Variants in YEATS2 observed in about 807,000 individuals in gnomAD.
YEATS2 encodes YEATS domain containing 2, also known as YEATS domain-containing protein 2.
YEATS2 carries 77 observed loss-of-function variants against 163.2 expected under a neutral mutation model. The ratio of observed to expected loss-of-function variants is 0.47; its 90% CI spans 0.39 to 0.57. YEATS2 has a LOEUF of 0.57. YEATS2 is among the 20% of genes least tolerant of loss of function. The pLI is 0.00. For synonymous variants in YEATS2, 631 were observed against 645.1 expected (o/e 0.98, Z 0.33); for missense variants, 1,549 against 1,729.8 (o/e 0.90, Z 1.85).
intron 8 of YEATS2, among the ~76,000 whole-genome samples, chr3:183,743,190 G>A (rs992196667): frequency 2.0e-5 from 3 of 152,084 alleles, no homozygotes; most frequent in African/African-American, 7.2e-5. Context: ...TGTACATGAA[G>A]TCAACCACGA....
At chr3:183,711,370 G>A (rs1250947275) in intron 1 of YEATS2, among the ~76,000 whole-genome samples, 1 of 151,710 alleles carries the variant, frequency 6.6e-6, no homozygotes, top group Non-Finnish European at 1.5e-5. Context: ...CTACTCGGGA[G>A]GCTGAGGCAG....
rs141935887 is a variant in YEATS2 at position 183,717,999 on chromosome 3, A to C, written c.198+251A>C. ...AAAGATAATCTTCTGATAGCACAGC[A>C]GGGTGACTACAGTCAACAATAATTT... is the stretch of plus-strand genomic sequence containing the variant. On this transcript the variant is annotated intron_variant, in intron 3 of 30. Transcript: ENST00000305135. Among the ~76,000 whole-genome samples the C allele has an allele frequency of 2.8e-3, 419 of 152,260 alleles. 1 individual carries two copies. Among genetic ancestry groups the C allele is most frequent in the African/African-American group, 9.3e-3 (386 of 41,556 alleles).
At position 183,772,369 on chromosome 3, in the gene YEATS2, G is replaced by C. The variant is rs768669392; in HGVS notation, c.2012G>C (p.Gly671Ala). ...STVKQAVAIS[G>A]GQILVAKASS... ...GTGAAGCAGGCTGTGGCGATCAGTG[G>C]TGGCCAGATCCTGGTAGCCAAGGCC... Residue 671 changes from glycine (G) to alanine (A), a missense_variant, in exon 16 of 31, where the codon GGT becomes GCT. Coordinates refer to ENST00000305135, the MANE Select transcript of YEATS2 (RefSeq NM_018023.5). 1 of 1,614,220 alleles carries C rather than the reference G, an allele frequency of 6.2e-7. No homozygotes were observed. The highest frequency in any genetic ancestry group is 8.5e-7 in the Non-Finnish European group (1 of 1,180,044).
chr3:183,749,714 G>C (rs1295230961), intron 9 of YEATS2, among the ~76,000 whole-genome samples: 2 of 152,134 alleles, frequency 1.3e-5, no homozygotes, highest in Non-Finnish European at 2.9e-5. Flanking sequence ...GCTCACTGCA[G>C]CTTTGACCTC....
rs1385166080 is a variant in YEATS2, at chr3:183,812,568, CATA to C, written c.*1988_*1990del. 6 of 152,610 alleles carry C rather than the reference CATA, an allele frequency of 3.9e-5. No individual in the cohort carries two copies. The highest frequency in any genetic ancestry group is 2.0e-4 in the Admixed American group (3 of 15,274). The allele number at this position is 152,610 out of a possible 1,614,324, so 9.5% of individuals were successfully genotyped here. ...GTGTGTTAATGTTTCAAACGTGTATCATAATGTGTATAATTGTGTAACAAAATT... is the reference window on the plus strand; with the variant it reads ...GTGTGTTAATGTTTCAAACGTGTATCATGTGTATAATTGTGTAACAAAATT... On this transcript the variant is annotated 3_prime_UTR_variant, in exon 31 of 31. Coordinates refer to ENST00000305135, the MANE Select transcript of YEATS2 (RefSeq NM_018023.5).
rs576050341 is a variant in YEATS2, at chr3:183,733,361, A to G, written c.813-3357A>G. 9.2e-5 allele frequency among the ~76,000 whole-genome samples: 14 copies of G among 152,316 alleles called. No homozygotes were observed. The South Asian group carries it at 2.9e-3, about 32-fold the overall frequency. On this transcript the variant is annotated intron_variant, in intron 7 of 30. Coordinates refer to ENST00000305135, the MANE Select transcript of YEATS2 (RefSeq NM_018023.5). ...TGAAAGCAGTTATTGGGTCTCATCC[A>G]TATTTGTTTCAGTTGTCACTTGTGT...
intron 19 of YEATS2, among the ~76,000 whole-genome samples, chr3:183,779,210 G>A (rs185964169): frequency 5.3e-5 from 8 of 152,214 alleles, no homozygotes; most frequent in East Asian, 1.9e-4. Flanking sequence ...CGCCCAGCCC[G>A]TTTTCATTCT....
chr3:183,722,166 C>A (rs1388785166), intron 5 of YEATS2, 30 bp downstream of exon 5: 1 of 1,586,888 alleles, frequency 6.3e-7, no homozygotes, highest in Non-Finnish European at 8.6e-7. Flanking sequence ...TGGGAGGGAG[C>A]CACAGGAGAA....
intron 21 of YEATS2, among the ~76,000 whole-genome samples, chr3:183,791,738 A>G (rs1303914280): frequency 1.3e-5 from 2 of 152,186 alleles, no homozygotes; most frequent in African/African-American, 2.4e-5. Flanking sequence ...AATTTTTAAC[A>G]TTAGTTATTA....
chr3:183,786,386 T>A, intron 20 of YEATS2, 85 bp downstream of exon 20: 4 of 1,336,924 alleles, frequency 3.0e-6, no homozygotes, highest in Non-Finnish European at 4.0e-6. Flanking sequence ...GGCACACCAG[T>A]GGACCTTTTA....
intron 29 of YEATS2, among the ~76,000 whole-genome samples, chr3:183,808,339 G>C (rs187525018): frequency 7.8e-4 from 119 of 152,128 alleles, no homozygotes; most frequent in African/African-American, 2.5e-3. Flanking sequence ...ACGTATTCTG[G>C]GGGTGGTGGT....
chr3:183,740,399 A>G (rs183016991), intron 8 of YEATS2, among the ~76,000 whole-genome samples: 4 of 152,372 alleles, frequency 2.6e-5, no homozygotes, highest in African/African-American at 9.6e-5. Flanking sequence ...CAAAACCACT[A>G]TGAGATATCA....
rs892296062 is a variant in YEATS2, at chr3:183,752,261, A to G, written c.1150+8A>G. The G allele has an allele frequency of 6.2e-7, 1 of 1,613,986 alleles. No individual in the cohort carries two copies. On this transcript the variant is annotated splice_region_variant and intron_variant, in intron 10 of 30. Transcript: ENST00000305135. Reference sequence around the variant, plus strand: ...ATACCTCTGTGGAGAAAGGTAATACAGCAGTTTTCCTTGCATAGCGTTGTT... The same window carrying G: ...ATACCTCTGTGGAGAAAGGTAATACGGCAGTTTTCCTTGCATAGCGTTGTT...
intron 8 of YEATS2, among the ~76,000 whole-genome samples, chr3:183,744,999 C>T (rs757098802): frequency 1.3e-5 from 2 of 152,086 alleles, no homozygotes; most frequent in African/African-American, 2.4e-5. Context: ...TACAGGTGCA[C>T]GCCACCATGC....
chr3:183,775,636 T>C (rs891543740), intron 17 of YEATS2, among the ~76,000 whole-genome samples: 2 of 152,184 alleles, frequency 1.3e-5, no homozygotes, highest in African/African-American at 4.8e-5. Context: ...AAGCCTTCTC[T>C]TGATCTCCCA....
In YEATS2 at chr3:183,801,221, T is replaced by C. The variant is rs993834387; in HGVS notation, c.3429-234T>C. The C allele has an allele frequency of 3.9e-5, 15 of 388,744 alleles. No homozygotes were observed. The Admixed American group carries it at 4.3e-4, about 11-fold the overall frequency. The allele number at this position is 388,744 out of a possible 1,614,324, so 24.1% of individuals were successfully genotyped here. ...AGGTGTAGATTAAATGTCTGTAATATGTGCATAATCTTCCATTCCTGGGAT... is the reference window on the plus strand; with the variant it reads ...AGGTGTAGATTAAATGTCTGTAATACGTGCATAATCTTCCATTCCTGGGAT... On this transcript the variant is annotated intron_variant, in intron 24 of 30. Coordinates refer to ENST00000305135, the MANE Select transcript of YEATS2 (RefSeq NM_018023.5).
intron 23 of YEATS2, among the ~76,000 whole-genome samples, chr3:183,799,916 T>C (rs1725506881): frequency 7.0e-6 from 1 of 143,866 alleles, no homozygotes; most frequent in African/African-American, 2.6e-5. Flanking sequence ...CAATGCAACC[T>C]CTGCCTCCCA....
At chr3:183,807,499 G>T in intron 28 of YEATS2, 1 of 258,144 alleles carries the variant, frequency 3.9e-6, no homozygotes, top group Non-Finnish European at 7.6e-6. Context: ...CTGATGTGTT[G>T]ATAGCTCCTG....
intron 30 of YEATS2, chr3:183,809,466 A>T (rs537285313): frequency 1.2e-4 from 30 of 248,964 alleles, no homozygotes; most frequent in Non-Finnish European, 2.1e-4. Context: ...AATTAAAGAT[A>T]ACAGTGTCCA....
Sources: gnomAD v4.1 joint callset for allele counts (sites outside exome capture counted in the v4.1 genomes callset) on GRCh38, gnomAD v4.1.1 for gene constraint, MANE v1.5 for transcripts, NCBI Gene and HGNC (gene_info 2026-07-23, HGNC 2026-07-21) for gene names.